The following EPB41L1 variants were observed in gnomAD, a reference collection of about 807,000 sequenced individuals.
The protein encoded by EPB41L1 is erythrocyte membrane protein band 4.1 like 1.
A neutral mutation model predicts 97.8 loss-of-function variants in EPB41L1; 29 were observed. The ratio of observed to expected loss-of-function variants is 0.30; its 90% CI spans 0.22 to 0.40. EPB41L1 has a LOEUF of 0.40. Ranked by LOEUF, EPB41L1 falls within the 10% of genes least tolerant of loss-of-function variation. The pLI, the probability that EPB41L1 is intolerant of heterozygous loss-of-function variation, is 1.00. For missense variants in EPB41L1, 812 were observed against 1,162.3 expected (o/e 0.70, Z 4.38); for synonymous variants, 383 against 459.2 (o/e 0.83, Z 2.12).
intron 2 of EPB41L1, among the ~76,000 whole-genome samples, chr20:36,125,687 G>A (rs2058936208): frequency 6.6e-6 from 1 of 152,182 alleles, no homozygotes; most frequent in South Asian, 2.1e-4. Flanking sequence ...AGCTCCTGCA[G>A]CCCGTGTATA....
At position 36,221,854 on chromosome 20, in the gene EPB41L1, C is replaced by T; in HGVS notation, c.2440-10C>T. 1 of 1,614,070 alleles carries T rather than the reference C, an allele frequency of 6.2e-7. No homozygotes were observed. The highest frequency in any genetic ancestry group is 8.5e-7 in the Non-Finnish European group (1 of 1,179,928). On this transcript the variant is annotated splice_polypyrimidine_tract_variant and intron_variant, in intron 19 of 21. Transcript: ENST00000338074. ...CCCAAGAGTGACCTCACCTCCCTCT[C>T]CCTCTGCAGACTGTGAAAGGAGGGT...
intron 6 of EPB41L1, among the ~76,000 whole-genome samples, chr20:36,184,400 G>A (rs879849879): frequency 3.3e-5 from 5 of 151,962 alleles, no homozygotes; most frequent in Admixed American, 6.6e-5. Flanking sequence ...TTGTAAAATC[G>A]TCCAACTGTG....
chr20:36,222,390 C>T lies in EPB41L1; in HGVS notation c.2633C>T (p.Pro878Leu). 2 of 1,612,958 alleles carry T rather than the reference C, an allele frequency of 1.2e-6. No homozygotes were observed. Among genetic ancestry groups the T allele is most frequent in the Non-Finnish European group, 1.7e-6 (2 of 1,179,232 alleles). The change falls in exon 21 of 22, where the codon CCA (proline) becomes CTA (leucine). Residue 878 changes from proline to leucine, a missense_variant. Physicochemically the swap from Pro to Leu is moderately conservative, Grantham distance 98. This residue lies in a region of EPB41L1 where 498 missense variants were observed against 622.7 expected (regional missense o/e 0.80). Transcript: ENST00000338074. ...DPSPEERDKKPQES is the reference protein window; with the variant it reads ...DPSPEERDKKLQES Reference sequence around the variant, plus strand: ...TCCCCAGAGGAGAGGGACAAGAAGCCACAGGTAAGGCTCCTGAGGCCCAGC... The same window carrying T: ...TCCCCAGAGGAGAGGGACAAGAAGCTACAGGTAAGGCTCCTGAGGCCCAGC...
chr20:36,214,072 C>G (rs1378917362), intron 16 of EPB41L1, among the ~76,000 whole-genome samples: 1 of 152,042 alleles, frequency 6.6e-6, no homozygotes, highest in East Asian at 1.9e-4. Context: ...AAGGTTATAT[C>G]CAAAGAGTCA....
At chr20:36,196,255 G>C (rs944215054) in intron 13 of EPB41L1, among the ~76,000 whole-genome samples, 1 of 152,208 alleles carries the variant, frequency 6.6e-6, no homozygotes, top group Non-Finnish European at 1.5e-5. Flanking sequence ...CCAGTCCCCT[G>C]TCTGAACAGC....
intron 1 of EPB41L1, among the ~76,000 whole-genome samples, chr20:36,162,341 C>G (rs1490322114): frequency 6.6e-6 from 1 of 152,234 alleles, no homozygotes; most frequent in Non-Finnish European, 1.5e-5. Context: ...TCCAGAGCAA[C>G]AGTAGCTTTG....
chr20:36,125,648 A>G, intron 2 of EPB41L1: 6 of 1,457,848 alleles, frequency 4.1e-6, no homozygotes, highest in Non-Finnish European at 5.5e-6. Context: ...GGGGACGGCA[A>G]GGAGGCAAGT....
chr20:36,119,854 C>T (rs2058697331), intron 2 of EPB41L1, among the ~76,000 whole-genome samples: 2 of 152,108 alleles, frequency 1.3e-5, no homozygotes, highest in South Asian at 4.1e-4. Flanking sequence ...TGCCCTCCAT[C>T]CAGGGCAAGC....
chr20:36,107,251 C>T (rs1338537841), intron 1 of EPB41L1, among the ~76,000 whole-genome samples: 46 of 117,358 alleles, frequency 3.9e-4, no homozygotes, highest in African/African-American at 1.4e-3. Context: ...CTCTCGCTTT[C>T]GCTCTGTTGC....
intron 1 of EPB41L1, among the ~76,000 whole-genome samples, chr20:36,101,983 T>C (rs1363263263): frequency 2.7e-5 from 4 of 150,696 alleles, no homozygotes; most frequent in Non-Finnish European, 5.9e-5. Flanking sequence ...CCAGCCTGTG[T>C]GACAGAGTGA....
In EPB41L1 at chr20:36,093,579, G is replaced by T. The variant is rs1183766567; in HGVS notation, c.-65+1967G>T. On this transcript the variant is annotated intron_variant, in intron 1 of 19. Transcript: ENST00000202028. This position sits in a 1 kb window ranked among gnomAD's most constrained non-coding sequence, Gnocchi z 5.4. Reference sequence around the variant, plus strand: ...AGAGACTCCCTGCTGGCAGGTGGGCGGCCACACCCCGGGGGTCGGGGGAAC... The same window carrying T: ...AGAGACTCCCTGCTGGCAGGTGGGCTGCCACACCCCGGGGGTCGGGGGAAC... Among the ~76,000 whole-genome samples the T allele has an allele frequency of 6.6e-6, 1 of 152,028 alleles. No homozygotes were observed. The highest frequency in any genetic ancestry group is 1.5e-5 in the Non-Finnish European group (1 of 67,952).
chr20:36,130,278 A>G (rs936624751), intron 2 of EPB41L1, among the ~76,000 whole-genome samples: 3 of 151,840 alleles, frequency 2.0e-5, no homozygotes, highest in African/African-American at 7.3e-5. Flanking sequence ...TAAAACCATA[A>G]TAACATAGTA....
At chr20:36,175,385 G>A (rs2061183576) in intron 2 of EPB41L1, among the ~76,000 whole-genome samples, 166 bp from the exon 3 acceptor site, 1 of 152,180 alleles carries the variant, frequency 6.6e-6, no homozygotes, top group South Asian at 2.1e-4. Context: ...CTCTCCTCCT[G>A]TACACACCAG....
In EPB41L1 at chr20:36,222,169, C is replaced by G. The variant is rs564249806; in HGVS notation, c.2521-109C>G. 116 of 1,119,280 alleles carry G rather than the reference C, an allele frequency of 1.0e-4. No individual in the cohort carries two copies. The East Asian group carries it at 1.2e-3, about 11-fold the overall frequency. The allele number at this position is 1,119,280 out of a possible 1,614,324, so 69.3% of individuals were successfully genotyped here. On this transcript the variant is annotated intron_variant, in intron 20 of 21. Coordinates refer to ENST00000338074, the MANE Select transcript of EPB41L1 (RefSeq NM_012156.2). ...CCTTTAGTTGTTTGACTTTGCCCCT[C>G]TCTGGGCCTCAGTTTTTCCAGCTGT...
At chr20:36,123,130 C>G (rs2058815654) in intron 2 of EPB41L1, among the ~76,000 whole-genome samples, 1 of 151,850 alleles carries the variant, frequency 6.6e-6, no homozygotes, top group South Asian at 2.1e-4. Context: ...TACCCTGAGA[C>G]CATAATTGAC....
At chr20:36,110,661 A>ACC (rs1049349586) in intron 1 of EPB41L1, 13 of 147,800 alleles carry the variant, frequency 8.8e-5, no homozygotes, top group East Asian at 2.0e-4. Flanking sequence ...ACACACACAC[A>ACC]CCATTGGCCT....
chr20:36,130,807 C>T (rs1865414442), intron 2 of EPB41L1, among the ~76,000 whole-genome samples: 1 of 151,670 alleles, frequency 6.6e-6, no homozygotes, highest in Admixed American at 6.6e-5. Flanking sequence ...CTCTCTCTCT[C>T]TCTCTCTCTT....
intron 1 of EPB41L1, among the ~76,000 whole-genome samples, chr20:36,158,882 G>A (rs1033056968): frequency 2.6e-5 from 4 of 152,212 alleles, no homozygotes; most frequent in African/African-American, 9.6e-5. Flanking sequence ...TCGACTTGAC[G>A]TGAGCCGGGA....
chr20:36,181,250 G>T (rs1018695759), intron 5 of EPB41L1, among the ~76,000 whole-genome samples: 7 of 152,210 alleles, frequency 4.6e-5, no homozygotes, highest in African/African-American at 1.4e-4. Flanking sequence ...TGTTCCAGGG[G>T]TGGGTGGTCT....
Sources: gnomAD v4.1 joint callset for allele counts (sites outside exome capture counted in the v4.1 genomes callset) on GRCh38, gnomAD v4.1.1 for gene constraint, gnomAD v4.1.1 regional missense constraint, Gnocchi (gnomAD v3.1) non-coding constraint, MANE v1.5 for transcripts, NCBI Gene and HGNC (gene_info 2026-07-23, HGNC 2026-07-21) for gene names.